AGBL4: variants seen among roughly 807,000 people sequenced by gnomAD.
AGBL4 encodes the protein cytosolic carboxypeptidase 6.
AGBL4 carries 58 observed loss-of-function variants against 66.4 expected under a neutral mutation model. The ratio of observed to expected loss-of-function variants is 0.87; its 90% CI spans 0.71 to 1.09. The LOEUF (loss-of-function observed/expected upper bound fraction) is 1.09, where lower values mean the gene tolerates loss of function less well. AGBL4 is among the 50% of genes least tolerant of loss of function. The probability of loss-of-function intolerance (pLI) is 0.00; values close to 1 mark genes in which losing one functional copy is unlikely to be tolerated. For missense variants in AGBL4, 579 were observed against 631.0 expected (o/e 0.92, Z 0.88); for synonymous variants, 234 against 222.9 (o/e 1.05, Z -0.44).
intron 5 of AGBL4, among the ~76,000 whole-genome samples, chr1:48,934,697 C>T (rs1655308337): frequency 6.6e-6 from 1 of 152,156 alleles, no homozygotes; most frequent in Non-Finnish European, 1.5e-5. Flanking sequence ...TTTAATTACC[C>T]TCATCCCTAC....
chr1:49,742,864 A>G (rs1650637906), intron 2 of AGBL4, among the ~76,000 whole-genome samples: 1 of 152,178 alleles, frequency 6.6e-6, no homozygotes, highest in Non-Finnish European at 1.5e-5. Flanking sequence ...GAAAGCTGAA[A>G]CCGGATCCCT....
At chr1:48,748,433 G>A (rs1651111513) in intron 6 of AGBL4, among the ~76,000 whole-genome samples, 1 of 152,224 alleles carries the variant, frequency 6.6e-6, no homozygotes, top group Non-Finnish European at 1.5e-5. Context: ...TCCAGCAGTG[G>A]AAAGAGACAG....
At chr1:49,970,716 C>CAG (rs1353993130) in intron 1 of AGBL4, among the ~76,000 whole-genome samples, 1 of 127,880 alleles carries the variant, frequency 7.8e-6, no homozygotes, top group Non-Finnish European at 1.7e-5. Context: ...AAAACACACA[C>CAG]ACACACACAC....
At chr1:49,468,269 T>C (rs926575797) in intron 3 of AGBL4, among the ~76,000 whole-genome samples, 1 of 151,822 alleles carries the variant, frequency 6.6e-6, no homozygotes, top group Non-Finnish European at 1.5e-5. Flanking sequence ...TATTTTAATA[T>C]GAAATACTGA....
At chr1:48,710,952 C>CCT (rs1646957795) in intron 6 of AGBL4, among the ~76,000 whole-genome samples, 1 of 150,822 alleles carries the variant, frequency 6.6e-6, no homozygotes, top group Non-Finnish European at 1.5e-5. Context: ...CCCTAGGAAG[C>CCT]CTCCAGTGAC....
intron 6 of AGBL4, among the ~76,000 whole-genome samples, chr1:48,769,279 G>A (rs927001053): frequency 6.6e-6 from 1 of 152,154 alleles, no homozygotes; most frequent in Non-Finnish European, 1.5e-5. Flanking sequence ...GGAATTGCTA[G>A]CCAGGTTTCA....
chr1:49,372,657 TTCTTTC>T (rs1644384213), intron 3 of AGBL4, among the ~76,000 whole-genome samples: 2 of 134,090 alleles, frequency 1.5e-5, no homozygotes, highest in African/African-American at 6.7e-5. Flanking sequence ...CTTTCTTTCT[TTCTTTC>T]TTTCTTTCTT....
chr1:49,933,110 C>A (rs1009612849), intron 1 of AGBL4, among the ~76,000 whole-genome samples: 2 of 152,058 alleles, frequency 1.3e-5, no homozygotes, highest in Non-Finnish European at 2.9e-5. Flanking sequence ...GAATTCTACA[C>A]TGAGATAAAC....
chr1:48,841,230 C>G (rs1393460607), intron 6 of AGBL4, among the ~76,000 whole-genome samples: 2 of 152,008 alleles, frequency 1.3e-5, no homozygotes, highest in African/African-American at 4.8e-5. Context: ...ATTCATAAAG[C>G]TGTATATTTA....
At chr1:49,016,822 G>A (rs1662861845) in intron 5 of AGBL4, among the ~76,000 whole-genome samples, 1 of 152,164 alleles carries the variant, frequency 6.6e-6, no homozygotes, top group Admixed American at 6.5e-5. Flanking sequence ...TGTGAAATCT[G>A]CAATGTGCTT....
At chr1:49,350,637 G>A (rs1419460281) in intron 3 of AGBL4, among the ~76,000 whole-genome samples, 1 of 152,078 alleles carries the variant, frequency 6.6e-6, no homozygotes, top group Non-Finnish European at 1.5e-5. Context: ...AGTTTTGGGG[G>A]AACAAGAGGT....
At chr1:49,635,632 A>G (rs530332438) in intron 3 of AGBL4, among the ~76,000 whole-genome samples, 1 of 152,316 alleles carries the variant, frequency 6.6e-6, no homozygotes, top group Admixed American at 6.5e-5. Flanking sequence ...AATATACTAC[A>G]TAAAAGCTGC....
At chr1:50,014,410 G>C (rs1489414582) in intron 1 of AGBL4, among the ~76,000 whole-genome samples, 3 of 151,592 alleles carry the variant, frequency 2.0e-5, no homozygotes, top group Non-Finnish European at 4.4e-5. Context: ...AAACAATTTA[G>C]GGGCCAGCAT....
intron 6 of AGBL4, among the ~76,000 whole-genome samples, chr1:48,710,538 C>A (rs1646950001): frequency 6.6e-6 from 1 of 152,130 alleles, no homozygotes; most frequent in African/African-American, 2.4e-5. Flanking sequence ...ACCAGTTGAG[C>A]TAAGAGGCCA....
intron 1 of AGBL4, among the ~76,000 whole-genome samples, chr1:49,852,799 T>C (rs1181614312): frequency 6.6e-6 from 1 of 152,008 alleles, no homozygotes; most frequent in Non-Finnish European, 1.5e-5. Flanking sequence ...GGAAATAAAC[T>C]AGGTTTGAGT....
chr1:48,868,629 T>C (rs1648345455), intron 5 of AGBL4, among the ~76,000 whole-genome samples: 1 of 152,210 alleles, frequency 6.6e-6, no homozygotes, highest in Admixed American at 6.5e-5. Flanking sequence ...CTATGCAGTA[T>C]TGATGTTGTT....
intron 4 of AGBL4, among the ~76,000 whole-genome samples, chr1:49,066,207 T>C (rs1644489054): frequency 6.6e-6 from 1 of 152,186 alleles, no homozygotes; most frequent in Non-Finnish European, 1.5e-5. Context: ...AATTTGGCAG[T>C]GGTTCCTGTT....
intron 4 of AGBL4, among the ~76,000 whole-genome samples, chr1:49,075,797 T>G (rs923445741): frequency 1.3e-5 from 2 of 152,220 alleles, no homozygotes. Flanking sequence ...TGAGGTTCCA[T>G]TGCATATCAA....
intron 6 of AGBL4, among the ~76,000 whole-genome samples, chr1:48,718,659 C>G (rs751183467): frequency 1.3e-5 from 2 of 152,110 alleles, no homozygotes; most frequent in African/African-American, 4.8e-5. Context: ...ATCTACTTCC[C>G]CACCTGGAGT....
Sources: gnomAD v4.1 joint callset for allele counts (sites outside exome capture counted in the v4.1 genomes callset) on GRCh38, gnomAD v4.1.1 for gene constraint, MANE v1.5 for transcripts, NCBI Gene and HGNC (gene_info 2026-07-23, HGNC 2026-07-21) for gene names.